CTNNA3: variants seen among roughly 807,000 people sequenced by gnomAD.
The protein encoded by CTNNA3 is catenin alpha 3.
A neutral mutation model predicts 95.7 loss-of-function variants in CTNNA3; 76 were observed. That is an observed-to-expected ratio of 0.79 (90% CI 0.66 to 0.96). CTNNA3 has a LOEUF of 0.96. CTNNA3 is among the 40% of genes least tolerant of loss of function. CTNNA3 has a pLI of 0.00. For missense variants in CTNNA3, 1,191 were observed against 1,089.8 expected, an observed-to-expected ratio of 1.09 and a Z score of -1.31; for synonymous variants, 431 against 374.4, an observed-to-expected ratio of 1.15 and a Z score of -1.74.
At chr10:66,949,483 A>G (rs1589473813) in intron 7 of CTNNA3, among the ~76,000 whole-genome samples, 1 of 151,976 alleles carries the variant, frequency 6.6e-6, no homozygotes, top group South Asian at 2.1e-4. Flanking sequence ...GCTTGAACCC[A>G]GGAGGCGGAG....
intron 5 of CTNNA3, among the ~76,000 whole-genome samples, chr10:67,326,523 C>A (rs1841543285): frequency 6.6e-6 from 1 of 152,136 alleles, no homozygotes; most frequent in East Asian, 1.9e-4. Flanking sequence ...GTTGAAATTT[C>A]TTTTCTTTAA....
intron 11 of CTNNA3, among the ~76,000 whole-genome samples, chr10:66,452,929 C>A (rs1029054682): frequency 6.6e-6 from 1 of 152,044 alleles, no homozygotes; most frequent in Non-Finnish European, 1.5e-5. Context: ...AAAATCCGAG[C>A]CTCTGGCTGG....
intron 7 of CTNNA3, among the ~76,000 whole-genome samples, chr10:66,959,642 C>T (rs1849010676): frequency 6.6e-6 from 1 of 152,154 alleles, no homozygotes; most frequent in Non-Finnish European, 1.5e-5. Context: ...ATTCCACAAC[C>T]TTATTTGTGC....
chr10:66,450,901 CATAAGACTACAA>C (rs1242136904), intron 11 of CTNNA3, among the ~76,000 whole-genome samples: 5 of 152,122 alleles, frequency 3.3e-5, no homozygotes, highest in African/African-American at 1.2e-4. Flanking sequence ...GATAAAGTAA[CATAAGACTACAA>C]ACATTTTTCC....
At chr10:67,018,434 C>G (rs1852795812) in intron 7 of CTNNA3, among the ~76,000 whole-genome samples, 1 of 152,158 alleles carries the variant, frequency 6.6e-6, no homozygotes, top group Non-Finnish European at 1.5e-5. Flanking sequence ...TTGTATTTTG[C>G]ATTTCTAGTA....
At chr10:67,049,830 T>C (rs1589661636) in intron 7 of CTNNA3, among the ~76,000 whole-genome samples, 1 of 152,234 alleles carries the variant, frequency 6.6e-6, no homozygotes, top group South Asian at 2.1e-4. Context: ...ATGTGTTTTA[T>C]ATATATTACA....
At chr10:66,892,924 C>T (rs1243870161) in intron 7 of CTNNA3, among the ~76,000 whole-genome samples, 1 of 152,024 alleles carries the variant, frequency 6.6e-6, no homozygotes, top group African/African-American at 2.4e-5. Context: ...TTGAATAAAT[C>T]ACTTTAAAAC....
At chr10:67,733,131 G>A (rs946939781) in intron 1 of CTNNA3, among the ~76,000 whole-genome samples, 2 of 152,154 alleles carry the variant, frequency 1.3e-5, no homozygotes, top group South Asian at 4.2e-4. Context: ...CAAATTATGT[G>A]CAAGGATTAT....
chr10:65,965,401 T>A (rs991378689), intron 17 of CTNNA3, among the ~76,000 whole-genome samples: 2 of 123,636 alleles, frequency 1.6e-5, no homozygotes, highest in African/African-American at 6.6e-5. Flanking sequence ...TACTTTTTTT[T>A]TTTTTTTTTT....
intron 3 of CTNNA3, among the ~76,000 whole-genome samples, chr10:67,593,664 C>T (rs150866289): frequency 3.9e-5 from 6 of 152,208 alleles, no homozygotes; most frequent in East Asian, 3.9e-4. Flanking sequence ...TGGGCAGAGA[C>T]GATGAGGTTT....
intron 14 of CTNNA3, among the ~76,000 whole-genome samples, chr10:66,076,047 G>A (rs1343741698): frequency 6.6e-6 from 1 of 151,304 alleles, no homozygotes; most frequent in Non-Finnish European, 1.5e-5. Context: ...ATATGAATGG[G>A]TAGCTAGAAC....
At chr10:66,647,371 T>G (rs1483490258) in intron 9 of CTNNA3, among the ~76,000 whole-genome samples, 1 of 152,158 alleles carries the variant, frequency 6.6e-6, no homozygotes, top group African/African-American at 2.4e-5. Context: ...GGTAATTGTT[T>G]AAAATACTTT....
chr10:67,321,466 A>G (rs1294708478), intron 5 of CTNNA3, among the ~76,000 whole-genome samples: 1 of 152,174 alleles, frequency 6.6e-6, no homozygotes, highest in Non-Finnish European at 1.5e-5. Context: ...CTGCATGATT[A>G]AGTGCCATCC....
intron 6 of CTNNA3, among the ~76,000 whole-genome samples, chr10:67,198,693 T>C (rs1863491648): frequency 6.6e-6 from 1 of 152,202 alleles, no homozygotes; most frequent in Admixed American, 6.5e-5. Flanking sequence ...ACTGAAAATG[T>C]CAGTCCCTGG....
At chr10:66,460,907 T>G (rs1254180480) in intron 11 of CTNNA3, among the ~76,000 whole-genome samples, 2 of 152,156 alleles carry the variant, frequency 1.3e-5, no homozygotes, top group Non-Finnish European at 2.9e-5. Flanking sequence ...TAGACTACTG[T>G]TGTGGTTATT....
chr10:66,928,983 C>G (rs1170606325), intron 7 of CTNNA3, among the ~76,000 whole-genome samples: 2 of 152,136 alleles, frequency 1.3e-5, no homozygotes. Flanking sequence ...AAGAAAATTG[C>G]AGGAAACTAT....
At chr10:67,423,420 A>G (rs978612026) in intron 5 of CTNNA3, among the ~76,000 whole-genome samples, 2 of 152,128 alleles carry the variant, frequency 1.3e-5, no homozygotes, top group Non-Finnish European at 1.5e-5. Context: ...AAAAAGAACC[A>G]TGGAAGCCTA....
At chr10:66,401,177 TA>T (rs2093016895) in intron 11 of CTNNA3, among the ~76,000 whole-genome samples, 1 of 152,086 alleles carries the variant, frequency 6.6e-6, no homozygotes, top group Admixed American at 6.6e-5. Context: ...TCCTCATTAA[TA>T]AAATGGGGTT....
chr10:66,384,203 C>T (rs972394054), intron 11 of CTNNA3, among the ~76,000 whole-genome samples: 1 of 152,000 alleles, frequency 6.6e-6, no homozygotes, highest in Non-Finnish European at 1.5e-5. Flanking sequence ...AGGAGACCCA[C>T]CTCATGTGCA....
Sources: allele counts gnomAD v4.1 joint callset (sites outside exome capture counted in the v4.1 genomes callset), GRCh38; gene constraint gnomAD v4.1.1; transcripts MANE v1.5; gene names NCBI Gene and HGNC (gene_info 2026-07-23, HGNC 2026-07-21).